The following PDE2A variants were observed in gnomAD, a reference collection of about 807,000 sequenced individuals.
The protein encoded by PDE2A is cGMP-dependent 3',5'-cyclic phosphodiesterase.
A neutral mutation model predicts 133.6 loss-of-function variants in PDE2A; 53 were observed. That is an observed-to-expected ratio of 0.40 (90% CI 0.32 to 0.50). The LOEUF is 0.50. PDE2A is among the 20% of genes least tolerant of loss of function. The probability of loss-of-function intolerance (pLI) is 0.73; values close to 1 mark genes in which losing one functional copy is unlikely to be tolerated. For synonymous variants in PDE2A, 491 were observed against 490.2 expected, an observed-to-expected ratio of 1.00 and a Z score of -0.02; for missense variants, 796 against 1,232.4, an observed-to-expected ratio of 0.65 and a Z score of 5.30.
chr11:72,590,339 C>T lies in PDE2A; in HGVS notation c.703+88G>A. The T allele has an allele frequency of 6.5e-7, 1 of 1,539,356 alleles. No individual in the cohort carries two copies. The highest frequency in any genetic ancestry group is 8.8e-7 in the Non-Finnish European group (1 of 1,137,156). ...GCTCAGCTCCGCGCCGGGCCCGCCG[C>T]CGGCTCCCGGGATCGCCTAACCCGC... On this transcript the variant is annotated intron_variant, in intron 8 of 30. Transcript: ENST00000334456. This position sits in a 1 kb window ranked among gnomAD's most constrained non-coding sequence, Gnocchi z 4.8.
intron 3 of PDE2A, among the ~76,000 whole-genome samples, chr11:72,607,682 G>A (rs2365773): frequency 0.058 from 8,837 of 152,074 alleles, 867 homozygotes; most frequent in African/African-American, 0.2. Context: ...CTGGGCCTCC[G>A]GTGGTTCATC....
In PDE2A at chr11:72,590,496, C is replaced by G; in HGVS notation, c.634G>C (p.Gly212Arg). The part of the protein sequence containing the change: ...APRAVQNPPE[G>R]TAEDQKGGAA... ...CCGCCCTTCTGGTCTTCCGCCGTCC[C>G]CTCCGGGGGGTTCTGGACGGCTCGG... Residue 212 changes from glycine (G) to arginine (R), a missense_variant, in exon 8 of 31, where the codon GGG becomes CGG. This residue lies in a region of PDE2A where 417 missense variants were observed against 475.3 expected (regional missense o/e 0.88). Transcript: ENST00000334456. The surrounding 1 kb of genome is among the most constrained non-coding windows in gnomAD (Gnocchi z 4.8). 17 of 1,518,510 alleles carry G rather than the reference C, an allele frequency of 1.1e-5. No individual in the cohort carries two copies. The highest frequency in any genetic ancestry group is 1.5e-5 in the Non-Finnish European group (17 of 1,137,778). 94.1% of individuals were successfully genotyped at this position (1,518,510 alleles called of 1,614,324 possible). A position where few individuals can be genotyped will look rare whatever the true frequency, so the allele number is the denominator to read the frequency against.
rs7111810 is a variant in PDE2A at position 72,582,101 on chromosome 11, G to A, written c.1852-154C>T. The A allele has an allele frequency of 6.6e-3, 4,312 of 652,230 alleles. 133 individuals are homozygous for A. In the African/African-American group the frequency reaches 0.07, roughly 11 times the overall value. 40.4% of individuals were successfully genotyped at this position (652,230 alleles called of 1,614,324 possible). The stretch of plus-strand genomic sequence containing the variant: ...CAAAATAGTTGAAGCAACCGTTCTC[G>A]GAGCTATGCATTTTTAGAGATCTAA... On this transcript the variant is annotated intron_variant, in intron 21 of 30. Coordinates refer to ENST00000334456, the MANE Select transcript of PDE2A (RefSeq NM_002599.5).
chr11:72,650,922 CACACAT>C (rs1440720741), intron 1 of PDE2A, among the ~76,000 whole-genome samples: 11 of 136,108 alleles, frequency 8.1e-5, no homozygotes, highest in South Asian at 4.8e-4. Flanking sequence ...CACACACACA[CACACAT>C]ACACAAAGGC....
chr11:72,642,480 CG>C, intron 1 of PDE2A, 154 bp from the exon 2 acceptor site: 1 of 794,810 alleles, frequency 1.3e-6, no homozygotes, highest in Non-Finnish European at 1.5e-6. Flanking sequence ...GGCCCCGCCC[CG>C]GCCCGCCCCC....
intron 4 of PDE2A, chr11:72,598,997 T>C (rs943782802): frequency 2.0e-6 from 2 of 985,276 alleles, no homozygotes; most frequent in Non-Finnish European, 2.4e-6. Flanking sequence ...CGTTTCCTGA[T>C]GATTAAACTG....
intron 1 of PDE2A, among the ~76,000 whole-genome samples, chr11:72,666,965 G>A (rs1321083456): frequency 1.3e-5 from 2 of 152,276 alleles, no homozygotes; most frequent in East Asian, 3.9e-4. Flanking sequence ...AATTATGCAG[G>A]TGTGGTGGTG....
chr11:72,631,107 G>T lies in PDE2A; in HGVS notation c.144+11147C>A, dbSNP rs577831358. 6 of 1,548,464 alleles carry T rather than the reference G, an allele frequency of 3.9e-6. No individual in the cohort carries two copies. In the South Asian group the frequency reaches 7.1e-5, roughly 18 times the overall value. ...AGTCGGTCGTCTCTACTCCCTGGGG[G>T]TCCTGGCTCCTTTGCAAGGGGGTCC... On this transcript the variant is annotated intron_variant, in intron 2 of 30. Coordinates refer to ENST00000334456, the MANE Select transcript of PDE2A (RefSeq NM_002599.5).
rs1247858847 is a variant in PDE2A at position 72,584,940 on chromosome 11, A to AGC, written c.1289_1290dup (p.Ser431AlafsTer47). 1 of 1,614,092 alleles carries AGC rather than the reference A, an allele frequency of 6.2e-7. No homozygotes were observed. Among genetic ancestry groups the AGC allele is most frequent in the Non-Finnish European group, 8.5e-7 (1 of 1,179,978 alleles). On this transcript the variant is annotated frameshift_variant, in exon 17 of 31. Transcript: ENST00000334456. LOFTEE classifies it high-confidence loss of function. Reference sequence around the variant, plus strand: ...TCATTCTGATCCAGCAGGAACACAGAGCAGCTGTGGAGGGAGGGGTTTGGT... The same window carrying AGC: ...TCATTCTGATCCAGCAGGAACACAGAGCGCAGCTGTGGAGGGAGGGGTTTGGT...
chr11:72,624,682 C>G (rs898425010), intron 2 of PDE2A, among the ~76,000 whole-genome samples: 1 of 152,246 alleles, frequency 6.6e-6, no homozygotes, highest in Non-Finnish European at 1.5e-5. Context: ...TTCAGTGTCA[C>G]ACACGTGGTA....
intron 6 of PDE2A, among the ~76,000 whole-genome samples, chr11:72,595,530 C>T (rs1205133983): frequency 6.6e-6 from 1 of 151,910 alleles, no homozygotes; most frequent in African/African-American, 2.4e-5. Flanking sequence ...TCCCCCCTCT[C>T]CTCCCCTCTC....
At chr11:72,637,682 G>A (rs984901826) in intron 2 of PDE2A, among the ~76,000 whole-genome samples, 3 of 152,246 alleles carry the variant, frequency 2.0e-5, no homozygotes, top group Non-Finnish European at 2.9e-5. Flanking sequence ...AGTCTGCAAT[G>A]AGGGGGACTC....
chr11:72,604,116 C>T (rs1856868501), intron 4 of PDE2A, among the ~76,000 whole-genome samples: 1 of 152,234 alleles, frequency 6.6e-6, no homozygotes, highest in South Asian at 2.1e-4. Flanking sequence ...CCACTCTGCC[C>T]TCAGCTCCTG....
Position 72,596,622 on chromosome 11 carries a change from C to A in PDE2A, c.460G>T (p.Glu154Ter), listed in dbSNP as rs750728041. ...QVLVMPLADK[E>*]AGAVAAVILV... ...ATGACAGCTGCCACGGCCCCAGCCT[C>A]CTTGTCCGCTAGCGGCATGACCAGC... Residue 154 changes from glutamate (E) to a stop codon, truncating the protein, a stop_gained, in exon 6 of 31, where the codon GAG (glutamate) becomes TAG (stop). Coordinates refer to ENST00000334456, the MANE Select transcript of PDE2A (RefSeq NM_002599.5). LOFTEE classifies it high-confidence loss of function. 6.6e-7 allele frequency: 1 copy of A among 1,518,314 alleles called. No homozygotes were observed. Among genetic ancestry groups the A allele is most frequent in the South Asian group, 1.3e-5 (1 of 76,996 alleles). 94.1% of individuals were successfully genotyped at this position (1,518,314 alleles called of 1,614,324 possible).
intron 2 of PDE2A, among the ~76,000 whole-genome samples, chr11:72,613,140 T>G (rs1857293247): frequency 6.6e-6 from 1 of 152,122 alleles, no homozygotes; most frequent in Admixed American, 6.5e-5. Flanking sequence ...CTCTATGCCT[T>G]TCCCCATCTC....
At chr11:72,579,163 T>A in intron 27 of PDE2A, 121 bp downstream of exon 27, 1 of 949,818 alleles carries the variant, frequency 1.1e-6, no homozygotes, top group Non-Finnish European at 1.7e-6. Flanking sequence ...GGGGGGGCCG[T>A]GCAGCCAGAG....
chr11:72,577,226 C>A lies in PDE2A; in HGVS notation c.*158G>T, dbSNP rs753790488. 11 of 606,414 alleles carry A rather than the reference C, an allele frequency of 1.8e-5. No individual in the cohort carries two copies. The highest frequency in any genetic ancestry group is 3.2e-5 in the Non-Finnish European group (11 of 343,156). 37.6% of individuals were successfully genotyped at this position (606,414 alleles called of 1,614,324 possible). ...GGAAGTCTTGCTTCCATTATACAGA[C>A]GAGAAAGCTGAGGCCCAGGAAGGTA... On this transcript the variant is annotated 3_prime_UTR_variant, in exon 31 of 31. Transcript: ENST00000334456.
intron 2 of PDE2A, among the ~76,000 whole-genome samples, chr11:72,640,183 G>A (rs562895755): frequency 1.3e-3 from 203 of 151,072 alleles, no homozygotes; most frequent in African/African-American, 4.7e-3. Context: ...CTCCCACCAC[G>A]CACCTCACAC....
chr11:72,621,664 A>G (rs1857775833), intron 2 of PDE2A: 1 of 152,186 alleles, frequency 6.6e-6, no homozygotes, highest in South Asian at 2.1e-4. Context: ...CAAAGCCACC[A>G]TGTCACCCTC....
Sources: allele counts gnomAD v4.1 joint callset (sites outside exome capture counted in the v4.1 genomes callset), GRCh38; gene constraint gnomAD v4.1.1; regional missense constraint gnomAD v4.1.1; non-coding constraint Gnocchi (gnomAD v3.1); transcripts MANE v1.5; gene names NCBI Gene and HGNC (gene_info 2026-07-23, HGNC 2026-07-21).